TRIM36: variants seen among roughly 807,000 people sequenced by gnomAD.
The protein encoded by TRIM36 is E3 ubiquitin-protein ligase TRIM36.
In TRIM36, 42 loss-of-function variants were observed where a neutral mutation model predicts 72.4. The observed-to-expected ratio is 0.58, with a 90% CI of 0.45 to 0.75. The LOEUF (loss-of-function observed/expected upper bound fraction) is 0.75. TRIM36 is among the 30% of genes least tolerant of loss of function. TRIM36 has a pLI of 0.00. For missense variants in TRIM36, 913 were observed against 857.1 expected (o/e 1.07, Z -0.81); for synonymous variants, 315 against 282.8 (o/e 1.11, Z -1.14).
At chr5:115,131,837 G>C (rs1350409046) in intron 8 of TRIM36, among the ~76,000 whole-genome samples, 1 of 152,134 alleles carries the variant, frequency 6.6e-6, no homozygotes, top group East Asian at 1.9e-4. Flanking sequence ...CACATTCATA[G>C]AGACAGAAAT....
intron 2 of TRIM36, among the ~76,000 whole-genome samples, chr5:115,160,096 T>G (rs1297955915): frequency 6.6e-6 from 1 of 152,090 alleles, no homozygotes. Flanking sequence ...GAAAGCTTAC[T>G]GTATACTTTA....
chr5:115,137,397 A>G lies in TRIM36; in HGVS notation c.1051T>C (p.Cys351Arg). 6.2e-7 allele frequency: 1 copy of G among 1,613,884 alleles called. No individual in the cohort carries two copies. Among genetic ancestry groups the G allele is most frequent in the Admixed American group, 1.7e-5 (1 of 59,998 alleles). Reference sequence around the variant, plus strand: ...AGCTGCTTTGCTGTCTGCACAAAGCAAGACTGATCTGTCTCCTTTAGCACT... The same window carrying G: ...AGCTGCTTTGCTGTCTGCACAAAGCGAGACTGATCTGTCTCCTTTAGCACT... ...QEVLKETDQS[C>R]FVQTAKQLHL... Residue 351 changes from cysteine (C) to arginine (R), a missense_variant, in exon 6 of 10, where the codon TGC (cysteine) becomes CGC (arginine). Cys to Arg is a radical substitution (Grantham distance 180, BLOSUM62 -3). Coordinates refer to ENST00000513154, the MANE Select transcript of TRIM36 (RefSeq NM_001300759.2).
rs144240849 is a variant in TRIM36, at chr5:115,177,425, C to T, written c.63+2550G>A. 6,697 of 837,888 alleles carry T rather than the reference C, an allele frequency of 8.0e-3. 29 individuals carry two copies. The highest frequency in any genetic ancestry group is 9.2e-3 in the Non-Finnish European group (6,118 of 666,034). The allele number at this position is 837,888 out of a possible 1,614,324, so 51.9% of individuals were successfully genotyped here. A position where few individuals can be genotyped will look rare whatever the true frequency, so the allele number is the denominator to read the frequency against. ...GGCAGGCCAACTACAGGCCTCTACT[C>T]TCTTAACTCTCATAATTAGACCAGT... On this transcript the variant is annotated intron_variant, in intron 1 of 9. Coordinates refer to the TRIM36 transcript ENST00000282369.
At chr5:115,129,399 C>T (rs957668823) in intron 9 of TRIM36, among the ~76,000 whole-genome samples, 30 of 151,960 alleles carry the variant, frequency 2.0e-4, no homozygotes, top group Non-Finnish European at 3.1e-4. Flanking sequence ...CCCATCTCTA[C>T]TAAAAAAAAT....
intron 5 of TRIM36, 64 bp downstream of exon 5, chr5:115,141,215 A>G: frequency 8.3e-7 from 1 of 1,209,006 alleles, no homozygotes; most frequent in Non-Finnish European, 1.2e-6. Context: ...TTTTATGAAC[A>G]AATGAATGAA....
intron 9 of TRIM36, among the ~76,000 whole-genome samples, chr5:115,127,839 G>C (rs996827282): frequency 1.3e-5 from 2 of 152,016 alleles, no homozygotes; most frequent in Non-Finnish European, 2.9e-5. Context: ...AACAGCCTCA[G>C]GCAGGCCCTT....
intron 2 of TRIM36, among the ~76,000 whole-genome samples, chr5:115,150,458 G>C (rs1179047557): frequency 6.6e-6 from 1 of 152,190 alleles, no homozygotes; most frequent in Non-Finnish European, 1.5e-5. Context: ...ATAGTAGAAA[G>C]TTCTATTGCA....
intron 2 of TRIM36, among the ~76,000 whole-genome samples, chr5:115,151,504 G>A (rs1472340696): frequency 2.6e-5 from 4 of 152,178 alleles, no homozygotes; most frequent in African/African-American, 9.7e-5. Context: ...CCTGCCCACT[G>A]CCTGTTCCTC....
At chr5:115,177,652 G>A in intron 1 of TRIM36, 2 of 1,587,068 alleles carry the variant, frequency 1.3e-6, no homozygotes, top group East Asian at 2.2e-5. Flanking sequence ...TGAGCCTGAG[G>A]AGAGTGGTAG....
intron 2 of TRIM36, among the ~76,000 whole-genome samples, chr5:115,155,616 C>G (rs375422399): frequency 7.9e-5 from 12 of 152,268 alleles, no homozygotes; most frequent in South Asian, 2.1e-4. Context: ...ATCTAGCATC[C>G]CTTTATGATT....
chr5:115,144,539 T>G, intron 4 of TRIM36, 59 bp downstream of exon 4: 1 of 1,599,160 alleles, frequency 6.3e-7, no homozygotes. Context: ...AAATGAAAAG[T>G]TAAAGGCATA....
chr5:115,162,011 C>T (rs1422068), intron 2 of TRIM36, among the ~76,000 whole-genome samples: 73,434 of 151,642 alleles, frequency 0.48, 18,745 homozygotes, highest in East Asian at 0.68. Context: ...GGTGTGTGTG[C>T]GCGTGTGTCT....
rs964962654 is a variant in TRIM36 at position 115,148,227 on chromosome 5, A to G, written c.263-833T>C. The G allele has an allele frequency of 9.6e-5, 63 of 653,096 alleles. 1 individual carries two copies. Among genetic ancestry groups the G allele is most frequent in the Middle Eastern group, 1.6e-3 (2 of 1,288 alleles). 40.5% of individuals were successfully genotyped at this position (653,096 alleles called of 1,614,324 possible). On this transcript the variant is annotated intron_variant, in intron 2 of 9. Coordinates refer to ENST00000513154, the MANE Select transcript of TRIM36 (RefSeq NM_001300759.2). ...CAAAAGTTACCCCAAAAACACTACA[A>G]ATAATTTTACAACATATATAAAACA... is the stretch of plus-strand genomic sequence containing the variant.
At chr5:115,173,272 G>C (rs1301609102), upstream of TRIM36, among the ~76,000 whole-genome samples, 3 of 152,078 alleles carry the variant, frequency 2.0e-5, no homozygotes, top group Non-Finnish European at 4.4e-5. Flanking sequence ...TTAAATCATA[G>C]TTTGTTACCA....
chr5:115,170,021 G>A, upstream of TRIM36: 3 of 1,035,490 alleles, frequency 2.9e-6, no homozygotes, highest in East Asian at 7.0e-5. Flanking sequence ...AGGCGGGGCC[G>A]CCTGGGGCTG....
At chr5:115,134,243 G>T (rs187779542) in intron 7 of TRIM36, 96 bp from the exon 8 acceptor site, 4 of 1,133,796 alleles carry the variant, frequency 3.5e-6, no homozygotes, top group East Asian at 5.7e-5. Context: ...AGTATTTAAT[G>T]ATTTCTATAC....
intron 1 of TRIM36, among the ~76,000 whole-genome samples, chr5:115,166,996 C>A (rs112035221): frequency 3.9e-5 from 6 of 152,330 alleles, no homozygotes; most frequent in African/African-American, 1.4e-4. Flanking sequence ...CTGCTCTGCA[C>A]CTGGCTTGCC....
At chr5:115,173,594 G>A (rs955063125), upstream of TRIM36, among the ~76,000 whole-genome samples, 2 of 152,050 alleles carry the variant, frequency 1.3e-5, no homozygotes, top group Non-Finnish European at 2.9e-5. Flanking sequence ...TAAACCTGTG[G>A]TAACAAAATA....
At position 115,126,816 on chromosome 5, in the gene TRIM36, G is replaced by A. The variant is rs2112752496; in HGVS notation, c.1838C>T (p.Ala613Val). 3.1e-6 allele frequency: 5 copies of A among 1,613,964 alleles called. No homozygotes were observed. Among genetic ancestry groups the A allele is most frequent in the South Asian group, 1.1e-5 (1 of 91,070 alleles). ...AAATGGTTGTGAAGAATCAAAACAG[G>A]CATCCTCACTTCCACTGTCATGCCC... ...DSGHDSGSED[A>V]CFDSSQPFTL... is the part of the protein sequence containing the mutation. The change falls in exon 10 of 10, where the codon GCC (alanine) becomes GTC (valine). Residue 613 changes from alanine to valine, a missense_variant. Transcript: ENST00000513154.
Sources: allele counts gnomAD v4.1 joint callset (sites outside exome capture counted in the v4.1 genomes callset), GRCh38; gene constraint gnomAD v4.1.1; transcripts MANE v1.5; gene names NCBI Gene and HGNC (gene_info 2026-07-23, HGNC 2026-07-21).